Variants in SGCD observed in about 807,000 individuals in gnomAD.
SGCD encodes delta-sarcoglycan.
A neutral mutation model predicts 36.6 loss-of-function variants in SGCD; 18 were observed. That is an observed-to-expected ratio of 0.49 (90% CI 0.34 to 0.73). The LOEUF is 0.73. SGCD is among the 30% of genes least tolerant of loss of function. The pLI, the probability that SGCD is intolerant of heterozygous loss-of-function variation, is 0.01. For synonymous variants in SGCD, 133 were observed against 130.6 expected (o/e 1.02, Z -0.12); for missense variants, 387 against 346.7 (o/e 1.12, Z -0.92).
At chr5:156,305,928 G>T (rs576103597) in intron 3 of SGCD, among the ~76,000 whole-genome samples, 1 of 152,158 alleles carries the variant, frequency 6.6e-6, no homozygotes, top group South Asian at 2.1e-4. Context: ...CCTTTGTTTT[G>T]GCCACTTTCT....
At chr5:156,394,833 A>G (rs1456791750) in intron 3 of SGCD, among the ~76,000 whole-genome samples, 1 of 152,216 alleles carries the variant, frequency 6.6e-6, no homozygotes, top group Non-Finnish European at 1.5e-5. Flanking sequence ...GTTGATAGCA[A>G]AAGAGGGAAC....
chr5:156,379,999 C>G (rs554772524), intron 3 of SGCD, among the ~76,000 whole-genome samples: 1 of 151,930 alleles, frequency 6.6e-6, no homozygotes, highest in Non-Finnish European at 1.5e-5. Context: ...TTCCTGTGTT[C>G]GAATAAGAAC....
At chr5:155,752,575 C>T in the SGCD span, among the ~76,000 whole-genome samples, 2 of 152,148 alleles carry the variant, frequency 1.3e-5, no homozygotes, top group African/African-American at 2.4e-5. Context: ...CCCCATTTTC[C>T]TGACTTCCCA....
chr5:156,515,491 G>C (rs1019673421), intron 4 of SGCD, among the ~76,000 whole-genome samples: 2 of 152,150 alleles, frequency 1.3e-5, no homozygotes, highest in Non-Finnish European at 2.9e-5. Context: ...GTGTTGGTGT[G>C]ACCCACAGAG....
intron 3 of SGCD, among the ~76,000 whole-genome samples, chr5:156,274,539 G>T (rs1766267522): frequency 6.6e-6 from 1 of 152,068 alleles, no homozygotes; most frequent in African/African-American, 2.4e-5. Context: ...TTTAATCAGT[G>T]CATATAGGAG....
At chr5:156,153,085 A>C (rs1762868038) in intron 3 of SGCD, among the ~76,000 whole-genome samples, 2 of 151,816 alleles carry the variant, frequency 1.3e-5, no homozygotes, top group South Asian at 4.1e-4. Context: ...TTAGGTGATC[A>C]TAGCTAACTT....
the SGCD span, among the ~76,000 whole-genome samples, chr5:155,797,326 C>T: frequency 6.6e-6 from 1 of 152,190 alleles, no homozygotes; most frequent in African/African-American, 2.4e-5. Context: ...TACTCTCTAT[C>T]TTGTTTCGAA....
At chr5:156,617,620 AGATGACT>A in intron 6 of SGCD, among the ~76,000 whole-genome samples, 1 of 152,348 alleles carries the variant, frequency 6.6e-6, no homozygotes, top group East Asian at 1.9e-4. Flanking sequence ...AGCCCACAAG[AGATGACT>A]GGCTGAGGAG....
At chr5:156,051,750 T>C (rs1250505337) in intron 1 of SGCD, among the ~76,000 whole-genome samples, 3 of 145,206 alleles carry the variant, frequency 2.1e-5, no homozygotes, top group African/African-American at 7.4e-5. Flanking sequence ...CATAGTGCAA[T>C]AGGAAGGCTT....
At chr5:156,013,310 C>G (rs570513262) in intron 1 of SGCD, among the ~76,000 whole-genome samples, 25 of 152,334 alleles carry the variant, frequency 1.6e-4, no homozygotes, top group African/African-American at 6.0e-4. Flanking sequence ...CAGGCATGAG[C>G]TACTGCTCCT....
At chr5:155,976,098 A>C (rs1758108513) in intron 1 of SGCD, among the ~76,000 whole-genome samples, 1 of 152,190 alleles carries the variant, frequency 6.6e-6, no homozygotes, top group Non-Finnish European at 1.5e-5. Context: ...ATGGACATTT[A>C]TATATGCAGT....
chr5:156,609,889 G>A (rs1761695989), intron 6 of SGCD, among the ~76,000 whole-genome samples: 1 of 152,160 alleles, frequency 6.6e-6, no homozygotes, highest in Non-Finnish European at 1.5e-5. Context: ...ATGGTTTTCA[G>A]CTCCATCAGG....
rs190326320 is a variant in SGCD at position 156,094,539 on chromosome 5, A to T, written c.-281-23339A>T. On this transcript the variant is annotated intron_variant, in intron 1 of 9. Transcript: ENST00000517913. ...AATTTTAGCTGGATTAGGGTCCAAT[A>T]CTGGGTACTTTCTTTCAGAAGCCAA... 1.9e-3 allele frequency among the ~76,000 whole-genome samples: 287 copies of T among 152,290 alleles called. 2 individuals carry two copies. The highest frequency in any genetic ancestry group is 6.6e-3 in the African/African-American group (273 of 41,564).
At chr5:156,387,792 A>G (rs564672933) in intron 3 of SGCD, among the ~76,000 whole-genome samples, 1 of 152,302 alleles carries the variant, frequency 6.6e-6, no homozygotes, top group East Asian at 1.9e-4. Flanking sequence ...TGAAGAAGAA[A>G]TGAGTATTGC....
At chr5:156,664,794 G>A (rs1764075063) in intron 7 of SGCD, among the ~76,000 whole-genome samples, 3 of 132,048 alleles carry the variant, frequency 2.3e-5, no homozygotes, top group Admixed American at 7.7e-5. Context: ...AAGGGGAGTT[G>A]GGTCCATACT....
chr5:156,413,867 G>A (rs1476357369), intron 3 of SGCD, among the ~76,000 whole-genome samples: 4 of 151,936 alleles, frequency 2.6e-5, no homozygotes, highest in Non-Finnish European at 5.9e-5. Context: ...TTTTGGAGTA[G>A]CAAGTGTCTT....
chr5:156,674,033 G>T (rs1231790384), intron 7 of SGCD, among the ~76,000 whole-genome samples: 1 of 152,198 alleles, frequency 6.6e-6, no homozygotes, highest in Admixed American at 6.5e-5. Context: ...TTTGAATGCA[G>T]ATGTATGTAT....
the SGCD span, among the ~76,000 whole-genome samples, chr5:155,854,302 C>A: frequency 6.6e-6 from 1 of 152,078 alleles, no homozygotes; most frequent in Non-Finnish European, 1.5e-5. Context: ...TGCCAAATGT[C>A]CCCCAGGGGA....
At chr5:156,023,830 T>C (rs1759162897) in intron 1 of SGCD, among the ~76,000 whole-genome samples, 1 of 147,026 alleles carries the variant, frequency 6.8e-6, no homozygotes, top group African/African-American at 2.5e-5. Flanking sequence ...CCATACTTAA[T>C]GCCTCTTATT....
Sources: allele counts gnomAD v4.1 joint callset (sites outside exome capture counted in the v4.1 genomes callset), GRCh38; gene constraint gnomAD v4.1.1; transcripts MANE v1.5; gene names NCBI Gene and HGNC (gene_info 2026-07-23, HGNC 2026-07-21).